MAMDC4: variants seen among roughly 807,000 people sequenced by gnomAD.
MAMDC4 encodes the protein apical endosomal glycoprotein.
Under a neutral mutation model 153.3 loss-of-function variants are expected in MAMDC4, and 168 were observed. The ratio of observed to expected loss-of-function variants is 1.10; its 90% CI spans 0.97 to 1.25. The LOEUF is 1.25. MAMDC4 is among the 50% of genes most tolerant of loss of function. MAMDC4 has a pLI of 0.00. For missense variants in MAMDC4, 1,701 were observed against 1,542.8 expected, an observed-to-expected ratio of 1.10 and a Z score of -1.72; for synonymous variants, 744 against 651.5, an observed-to-expected ratio of 1.14 and a Z score of -2.16.
In MAMDC4 at chr9:136,858,043, C is replaced by T. The variant is rs376109252; in HGVS notation, c.2529C>T (p.Gly843=). 120 of 1,528,304 alleles carry T rather than the reference C, an allele frequency of 7.9e-5. No homozygotes were observed. The highest frequency in any genetic ancestry group is 1.9e-4 in the South Asian group (16 of 83,454). 94.7% of individuals were successfully genotyped at this position (1,528,304 alleles called of 1,614,324 possible). ...AGGTGCTCAGCCTCAGTGCCCACGG[C>T]GGGCTTGCCTGGCGCCTGGGCAGCA... ...RHQVLSLSAH[G]GLAWRLGSMD... is the part of the protein sequence containing the mutation. Residue 843 remains glycine (G), a synonymous_variant, in exon 20 of 27, where the codon GGC becomes GGT. Transcript: ENST00000317446.
Position 136,858,089 on chromosome 9 carries a change from G to T in MAMDC4, c.2575G>T (p.Ala859Ser), listed in dbSNP as rs745690499. The change falls in exon 20 of 27, where the codon GCC (alanine) becomes TCC (serine). Residue 859 changes from alanine (A) to serine (S), a missense_variant. Coordinates refer to ENST00000317446, the MANE Select transcript of MAMDC4 (RefSeq NM_206920.3). ...LGSMDVQAER[A>S]WRVVFEAVAA... is the part of the protein sequence containing the mutation. ...CAGCATGGACGTGCAGGCCGAGCGA[G>T]CCTGGAGGGTGAGTGCAGGGTGGGG... The T allele has an allele frequency of 3.3e-6, 5 of 1,533,182 alleles. No individual in the cohort carries two copies. The highest frequency in any genetic ancestry group is 1.9e-4 in the Middle Eastern group (1 of 5,214). 95.0% of individuals were successfully genotyped at this position (1,533,182 alleles called of 1,614,324 possible). A position where few individuals can be genotyped will look rare whatever the true frequency, so the allele number is the denominator to read the frequency against.
chr9:136,853,301 G>A lies in MAMDC4; in HGVS notation c.171G>A (p.Ser57=), dbSNP rs147409556. 14 of 1,602,042 alleles carry A rather than the reference G, an allele frequency of 8.7e-6. No homozygotes were observed. Among genetic ancestry groups the A allele is most frequent in the African/African-American group, 2.7e-5 (2 of 74,892 alleles). ...DEAQCGYHGA[S]PTLGAPFACD... Reference sequence around the variant, plus strand: ...CTCTCCCAGGTTACCACGGGGCCTCGCCCACCCTGGGCGCCCCCTTCGCCT... The same window carrying A: ...CTCTCCCAGGTTACCACGGGGCCTCACCCACCCTGGGCGCCCCCTTCGCCT... Residue 57 remains serine, a synonymous_variant, in exon 3 of 27, where the codon TCG becomes TCA. Coordinates refer to ENST00000317446, the MANE Select transcript of MAMDC4 (RefSeq NM_206920.3).
At position 136,858,728 on chromosome 9, in the gene MAMDC4, CCTT is replaced by C; in HGVS notation, c.2835_2837del (p.Phe946del). 1 of 1,612,144 alleles carries C rather than the reference CCTT, an allele frequency of 6.2e-7. No individual in the cohort carries two copies. The highest frequency in any genetic ancestry group is 8.5e-7 in the Non-Finnish European group (1 of 1,179,736). Reference sequence around the variant, plus strand: ...CTCCTCTTGTTCCCAGGCCACTTTGCCTTCTTTGAAACTGGCGTGCTGGGCCCC... The same window carrying C: ...CTCCTCTTGTTCCCAGGCCACTTTGCCTTTGAAACTGGCGTGCTGGGCCCC... On this transcript the variant is annotated inframe_deletion, in exon 23 of 27. Coordinates refer to ENST00000317446, the MANE Select transcript of MAMDC4 (RefSeq NM_206920.3).
chr9:136,856,412 G>A (rs776902370), intron 14 of MAMDC4: 30 of 792,184 alleles, frequency 3.8e-5, no homozygotes, highest in South Asian at 1.9e-4. Context: ...TGGGAGCTCC[G>A]CTGGAGCGGG....
chr9:136,860,575 T>A lies in MAMDC4; in HGVS notation c.3386T>A (p.Leu1129His), dbSNP rs1263223165. 1.2e-6 allele frequency: 2 copies of A among 1,612,824 alleles called. No homozygotes were observed. The highest frequency in any genetic ancestry group is 1.7e-6 in the Non-Finnish European group (2 of 1,179,854). The change falls in exon 27 of 27, where the codon CTC (leucine) becomes CAC (histidine). Residue 1129 changes from leucine (L) to histidine (H), a missense_variant. Leu to His is a moderately conservative substitution (Grantham distance 99). Transcript: ENST00000317446. ...NILFNADGVT[L>H]PASVTSDP ...TCCTCCTCCTAGGATGGTGTCACCC[T>A]CCCGGCATCTGTCACCAGTGATCCG...
intron 9 of MAMDC4, 37 bp downstream of exon 9, chr9:136,854,887 C>A: frequency 6.2e-7 from 1 of 1,612,634 alleles, no homozygotes; most frequent in African/African-American, 1.3e-5. Flanking sequence ...TCCCTGCTCT[C>A]CGTGCTGGCT....
intron 14 of MAMDC4, 58 bp from the exon 15 acceptor site, chr9:136,856,652 T>TCAGG: frequency 6.4e-7 from 1 of 1,558,234 alleles, no homozygotes; most frequent in Non-Finnish European, 8.8e-7. Context: ...TTCCACCTTC[T>TCAGG]CAGGGCTCTG....
rs557204357 is a variant in MAMDC4 at position 136,857,988 on chromosome 9, G to C, written c.2474G>C (p.Arg825Pro). ...HGSLRSPGTL[R>P]VYLEERGRHQ... ...CCGCCCCTGCTGGCAGGCACCCTGC[G>C]GGTCTACCTGGAGGAGCGCGGGAGG... Residue 825 changes from arginine to proline, a missense_variant, in exon 20 of 27, where the codon CGG (arginine) becomes CCG (proline). Physicochemically the swap from Arg to Pro is moderately radical, Grantham distance 103 (BLOSUM62 -2). Transcript: ENST00000317446. 6.6e-6 allele frequency: 10 copies of C among 1,511,844 alleles called. No individual in the cohort carries two copies. In the South Asian group the frequency reaches 9.7e-5, roughly 15 times the overall value. The allele number at this position is 1,511,844 out of a possible 1,614,324, so 93.7% of individuals were successfully genotyped here. A position where few individuals can be genotyped will look rare whatever the true frequency, so the allele number is the denominator to read the frequency against.
rs1211010205 is a variant in MAMDC4 at position 136,857,703 on chromosome 9, G to A, written c.2371G>A (p.Gly791Ser). The A allele has an allele frequency of 6.2e-7, 1 of 1,612,610 alleles. No individual in the cohort carries two copies. ...VDTSPDALPR[G>S]QTASLTSKEH... Reference sequence around the variant, plus strand: ...CACAAGCCCAGACGCACTACCCCGGGGCCAGACGGCCTCCCTGACCTCCAA... The same window carrying A: ...CACAAGCCCAGACGCACTACCCCGGAGCCAGACGGCCTCCCTGACCTCCAA... The change falls in exon 19 of 27, where the codon GGC becomes AGC. Residue 791 changes from glycine to serine, a missense_variant. Coordinates refer to ENST00000317446, the MANE Select transcript of MAMDC4 (RefSeq NM_206920.3).
chr9:136,857,553 C>A lies in MAMDC4; in HGVS notation c.2293C>A (p.Pro765Thr). The A allele has an allele frequency of 6.2e-7, 1 of 1,612,124 alleles. No homozygotes were observed. The change falls in exon 18 of 27, where the codon CCC (proline) becomes ACC (threonine). Residue 765 changes from proline to threonine, a missense_variant. By Grantham distance (38) the Pro-to-Thr change is conservative (BLOSUM62 -1). Coordinates refer to ENST00000317446, the MANE Select transcript of MAMDC4 (RefSeq NM_206920.3). ...ANASGHAAWG[P>T]PTDHTTETAQ... The stretch of plus-strand genomic sequence containing the variant: ...TGCCTCGGGCCATGCTGCCTGGGGC[C>A]CCCCAACAGACCATACCACTGAGAC...
rs771772744 is a variant in MAMDC4 at position 136,853,770 on chromosome 9, A to C, written c.455-7A>C. ...CCGCAGCTGCCCTGGGACCCCTGAC[A>C]TTGCAGATGTGGCTGAACTGCGGGT... On this transcript the variant is annotated splice_polypyrimidine_tract_variant and splice_region_variant and intron_variant, in intron 4 of 26. Coordinates refer to ENST00000317446, the MANE Select transcript of MAMDC4 (RefSeq NM_206920.3). 1 of 1,607,838 alleles carries C rather than the reference A, an allele frequency of 6.2e-7. No homozygotes were observed. Among genetic ancestry groups the C allele is most frequent in the Non-Finnish European group, 8.5e-7 (1 of 1,177,224 alleles).
rs2131239559 is a variant in MAMDC4 at position 136,858,990 on chromosome 9, T to A, written c.2957-15T>A. On this transcript the variant is annotated splice_polypyrimidine_tract_variant and intron_variant, in intron 23 of 26. Transcript: ENST00000317446. Reference sequence around the variant, plus strand: ...CCAGGACCCCAGGCCTGACACGCCCTGGCCCTGCTCTCAGACAAGGGGGAG... The same window carrying A: ...CCAGGACCCCAGGCCTGACACGCCCAGGCCCTGCTCTCAGACAAGGGGGAG... 2 of 1,512,752 alleles carry A rather than the reference T, an allele frequency of 1.3e-6. No individual in the cohort carries two copies. The highest frequency in any genetic ancestry group is 2.4e-5 in the East Asian group (1 of 41,808). The allele number at this position is 1,512,752 out of a possible 1,614,324, so 93.7% of individuals were successfully genotyped here. A position where few individuals can be genotyped will look rare whatever the true frequency, so the allele number is the denominator to read the frequency against.
rs552076667 is a variant in MAMDC4, at chr9:136,854,555, C to T, written c.813C>T (p.Thr271=). Residue 271 remains threonine (T), a synonymous_variant, in exon 8 of 27, where the codon ACC becomes ACT. Transcript: ENST00000317446. ...CTGCCCTAGGCCGCCACATAGCCACCGACTTTGAGACAGGCCTGGGCCCAT... is the reference window on the plus strand; with the variant it reads ...CTGCCCTAGGCCGCCACATAGCCACTGACTTTGAGACAGGCCTGGGCCCAT... ...NPLTCGRHIA[T]DFETGLGPWN... is the part of the protein sequence containing the mutation. The T allele has an allele frequency of 1.3e-5, 21 of 1,606,298 alleles. No individual in the cohort carries two copies. The highest frequency in any genetic ancestry group is 1.0e-4 in the Admixed American group (6 of 59,432).
Position 136,855,491 on chromosome 9 carries a change from C to T in MAMDC4, c.1343C>T (p.Pro448Leu), listed in dbSNP as rs765112853. The change falls in exon 12 of 27, where the codon CCG becomes CTG. Residue 448 changes from proline (P) to leucine (L), a missense_variant. Coordinates refer to ENST00000317446, the MANE Select transcript of MAMDC4 (RefSeq NM_206920.3). ...CGGGCCCCAGCCCCCCAGCCCCTGC[C>T]GCCCAGCTCGCGGCTCCAGGATTCC... is the stretch of plus-strand genomic sequence containing the variant. ...GPRAPAPQPL[P>L]PSSRLQDSCK... is the part of the protein sequence containing the mutation. 1.6e-5 allele frequency: 25 copies of T among 1,598,336 alleles called. No homozygotes were observed. The highest frequency in any genetic ancestry group is 8.6e-5 in the Admixed American group (5 of 58,250).
Position 136,859,072 on chromosome 9 carries a change from G to A in MAMDC4, c.3024G>A (p.Gly1008=), listed in dbSNP as rs754394178. The A allele has an allele frequency of 1.1e-5, 17 of 1,555,932 alleles. No homozygotes were observed. The highest frequency in any genetic ancestry group is 1.4e-5 in the African/African-American group (1 of 73,774). The change falls in exon 24 of 27, where the codon GGG becomes GGA. Residue 1008 remains glycine, a synonymous_variant. Coordinates refer to ENST00000317446, the MANE Select transcript of MAMDC4 (RefSeq NM_206920.3). ...QGQLAVWGAG[G]HRRHQWLEAQ... ...AGCTGGCTGTGTGGGGCGCAGGCGG[G>A]CATCGGCGGCACCAGTGGCTGGAGG... is the stretch of plus-strand genomic sequence containing the variant.
chr9:136,853,488 C>T (rs374810952), intron 3 of MAMDC4, 30 bp downstream of exon 3: 1 of 1,610,788 alleles, frequency 6.2e-7, no homozygotes, highest in Non-Finnish European at 8.5e-7. Flanking sequence ...CTGTGCGCCC[C>T]TGTCCCAATA....
chr9:136,856,531 C>T (rs912920374), intron 14 of MAMDC4, 179 bp from the exon 15 acceptor site: 1 of 799,758 alleles, frequency 1.3e-6, no homozygotes, highest in Non-Finnish European at 2.3e-6. Context: ...GACAACGTGA[C>T]CCTGAGGGAC....
In MAMDC4 at chr9:136,857,536, G is replaced by A. The variant is rs1025167783; in HGVS notation, c.2276G>A (p.Gly759Asp). ...GLWRRQANAS[G>D]HAAWGPPTDH... ...TGGAGGCGGCAGGCCAATGCCTCGG[G>A]CCATGCTGCCTGGGGCCCCCCAACA... Residue 759 changes from glycine to aspartate, a missense_variant, in exon 18 of 27, where the codon GGC becomes GAC. Coordinates refer to ENST00000317446, the MANE Select transcript of MAMDC4 (RefSeq NM_206920.3). 2 of 1,611,382 alleles carry A rather than the reference G, an allele frequency of 1.2e-6. No homozygotes were observed. The highest frequency in any genetic ancestry group is 1.3e-5 in the African/African-American group (1 of 74,930).
At position 136,858,412 on chromosome 9, in the gene MAMDC4, T is replaced by C; in HGVS notation, c.2687T>C (p.Phe896Ser). 4 of 1,603,428 alleles carry C rather than the reference T, an allele frequency of 2.5e-6. No homozygotes were observed. Among genetic ancestry groups the C allele is most frequent in the Non-Finnish European group, 3.4e-6 (4 of 1,179,826 alleles). ...GPCPQPGSCD[F>S]ESGLCGWSHL... Reference sequence around the variant, plus strand: ...CCATGTCCTGCAGGTTCCTGTGATTTTGAGTCTGGCCTGTGTGGCTGGAGC... The same window carrying C: ...CCATGTCCTGCAGGTTCCTGTGATTCTGAGTCTGGCCTGTGTGGCTGGAGC... Residue 896 changes from phenylalanine to serine, a missense_variant, in exon 22 of 27, where the codon TTT (phenylalanine) becomes TCT (serine). By Grantham distance (155) the Phe-to-Ser change is radical (BLOSUM62 -2). Transcript: ENST00000317446.
Sources: gnomAD v4.1 joint callset for allele counts on GRCh38, gnomAD v4.1.1 for gene constraint, MANE v1.5 for transcripts, NCBI Gene and HGNC (gene_info 2026-07-23, HGNC 2026-07-21) for gene names.